Variants in RTN4RL1 observed in about 807,000 individuals in gnomAD.
RTN4RL1 encodes reticulon 4 receptor like 1.
In RTN4RL1, 7 loss-of-function variants were observed where a neutral mutation model predicts 25.6. That is an observed-to-expected ratio of 0.27 (90% CI 0.16 to 0.51). RTN4RL1 has a LOEUF of 0.51. RTN4RL1 is among the 20% of genes least tolerant of loss of function. RTN4RL1 has a pLI of 0.97. For missense variants in RTN4RL1, 500 were observed against 615.6 expected, an observed-to-expected ratio of 0.81 and a Z score of 1.99; for synonymous variants, 297 against 288.2, an observed-to-expected ratio of 1.03 and a Z score of -0.31.
At chr17:1,955,082 G>A (rs559682881) in intron 1 of RTN4RL1, among the ~76,000 whole-genome samples, 3 of 152,116 alleles carry the variant, frequency 2.0e-5, no homozygotes, top group South Asian at 4.2e-4. Context: ...CAGCCTGAGC[G>A]CCGCCCTTTC....
At chr17:1,968,631 C>G (rs1309051896) in intron 1 of RTN4RL1, among the ~76,000 whole-genome samples, 1 of 152,170 alleles carries the variant, frequency 6.6e-6, no homozygotes, top group African/African-American at 2.4e-5. Context: ...CATGTTCCCT[C>G]CCATCCCCGG....
intron 1 of RTN4RL1, among the ~76,000 whole-genome samples, chr17:1,973,506 A>G (rs2066829409): frequency 6.8e-6 from 1 of 147,724 alleles, no homozygotes; most frequent in Non-Finnish European, 1.5e-5. Flanking sequence ...CAACAGAACA[A>G]GACTCCATGT....
intron 1 of RTN4RL1, among the ~76,000 whole-genome samples, chr17:1,947,176 CTG>C (rs34312213): frequency 0.041 from 6,203 of 150,938 alleles, 405 homozygotes; most frequent in African/African-American, 0.14. Context: ...GTGTGCGTCT[CTG>C]TGTGACTGTG....
intron 1 of RTN4RL1, among the ~76,000 whole-genome samples, chr17:1,952,331 G>GTTTTTTTTTTTTTTTTT (rs1213295319): frequency 1.0e-5 from 1 of 99,774 alleles, no homozygotes. Context: ...AAGGGAGGTT[G>GTTTTTTTTTTTTTTTTT]GTTTTTTTTT....
chr17:1,995,797 C>T (rs1196772612), intron 1 of RTN4RL1: 3 of 152,264 alleles, frequency 2.0e-5, no homozygotes, highest in South Asian at 2.1e-4. Context: ...GCCTATGTGC[C>T]GAGCAACCCA....
chr17:2,010,729 AAAAC>A (rs141843187), intron 1 of RTN4RL1, among the ~76,000 whole-genome samples: 46,521 of 150,608 alleles, frequency 0.31, 7,532 homozygotes, highest in East Asian at 0.54. Context: ...GGCTAATTAA[AAAAC>A]AAACAAACAA....
At chr17:1,949,215 C>T (rs1915626926) in intron 1 of RTN4RL1, among the ~76,000 whole-genome samples, 1 of 152,178 alleles carries the variant, frequency 6.6e-6, no homozygotes, top group Non-Finnish European at 1.5e-5. Flanking sequence ...CCCGCCTCGG[C>T]CTCCCTAAGT....
intron 1 of RTN4RL1, among the ~76,000 whole-genome samples, chr17:1,946,831 CTG>C (rs1379714977): frequency 7.1e-6 from 1 of 140,440 alleles, no homozygotes; most frequent in Non-Finnish European, 1.5e-5. Flanking sequence ...TGCACGGGGT[CTG>C]TGTGCATCTA....
At chr17:1,993,831 T>C (rs1371669630) in intron 1 of RTN4RL1, among the ~76,000 whole-genome samples, 2 of 151,632 alleles carry the variant, frequency 1.3e-5, no homozygotes, top group African/African-American at 2.4e-5. Flanking sequence ...ATTCTGCAAA[T>C]TGCTCAGCCC....
chr17:1,959,695 G>A (rs1915858795), intron 1 of RTN4RL1, among the ~76,000 whole-genome samples: 1 of 152,166 alleles, frequency 6.6e-6, no homozygotes, highest in South Asian at 2.1e-4. Context: ...CTCCTGAGTA[G>A]CTGGGATTAC....
chr17:2,022,565 A>G (rs34476531), intron 1 of RTN4RL1, among the ~76,000 whole-genome samples: 11,058 of 152,288 alleles, frequency 0.073, 582 homozygotes, highest in East Asian at 0.14. Flanking sequence ...GCGCCTACCT[A>G]GAATCCATAC....
intron 1 of RTN4RL1, among the ~76,000 whole-genome samples, chr17:1,967,938 G>C (rs886905319): frequency 6.6e-6 from 1 of 152,098 alleles, no homozygotes; most frequent in African/African-American, 2.4e-5. Flanking sequence ...ATCGGGCCCG[G>C]CCTCCAGTCT....
At chr17:1,982,258 G>A (rs2066870270) in intron 1 of RTN4RL1, among the ~76,000 whole-genome samples, 1 of 151,982 alleles carries the variant, frequency 6.6e-6, no homozygotes, top group African/African-American at 2.4e-5. Context: ...CTGAGATCAC[G>A]CCACTCCACT....
chr17:1,954,721 G>A (rs1381710390), intron 1 of RTN4RL1, among the ~76,000 whole-genome samples: 9 of 152,116 alleles, frequency 5.9e-5, no homozygotes, highest in Non-Finnish European at 7.4e-5. Flanking sequence ...CCCCAGAGGC[G>A]CAGCACTGCT....
chr17:1,990,990 G>A (rs2066906074), intron 1 of RTN4RL1, among the ~76,000 whole-genome samples: 2 of 152,136 alleles, frequency 1.3e-5, no homozygotes, highest in Non-Finnish European at 2.9e-5. Context: ...TCCAGGGAAC[G>A]AGTCCCTCTC....
chr17:1,979,245 C>A (rs1282778557), intron 1 of RTN4RL1, among the ~76,000 whole-genome samples: 1 of 152,176 alleles, frequency 6.6e-6, no homozygotes, highest in Non-Finnish European at 1.5e-5. Context: ...TGCACTCCAG[C>A]CTGGGCGACA....
rs762129974 is a variant in RTN4RL1 at position 1,936,714 on chromosome 17, C to T, written c.1108G>A (p.Ala370Thr). ...RNRNQISKAG[A>T]GKQAPELPDY... ...GGCAGCTCGGGGGCCTGTTTCCCGG[C>T]GCCCGCCTTAGAGATCTGATTGCGG... The change falls in exon 2 of 2, where the codon GCC (alanine) becomes ACC (threonine). Residue 370 changes from alanine (A) to threonine (T), a missense_variant. Coordinates refer to ENST00000331238, the MANE Select transcript of RTN4RL1 (RefSeq NM_178568.4). The T allele has an allele frequency of 2.8e-5, 44 of 1,583,546 alleles. No homozygotes were observed. The highest frequency in any genetic ancestry group is 1.9e-4 in the Admixed American group (10 of 53,898).
At chr17:2,024,069 G>A (rs1294868805) in intron 1 of RTN4RL1, among the ~76,000 whole-genome samples, 4 of 152,110 alleles carry the variant, frequency 2.6e-5, no homozygotes, top group Non-Finnish European at 5.9e-5. Context: ...ACGGCGCCCC[G>A]CGTGGCAACC....
In RTN4RL1 at chr17:1,943,015, G is replaced by A. The variant is rs904038685; in HGVS notation, c.14-5207C>T. 2.6e-5 allele frequency among the ~76,000 whole-genome samples: 4 copies of A among 152,174 alleles called. No individual in the cohort carries two copies. The East Asian group carries it at 5.8e-4, about 22-fold the overall frequency. The stretch of plus-strand genomic sequence containing the variant: ...GGATGGCCAGAGATGTCCCCAGTGG[G>A]ACCAGCCCTCACAGGGCCCTTGCCC... On this transcript the variant is annotated intron_variant, in intron 1 of 1. Transcript: ENST00000331238.
Sources: gnomAD v4.1 joint callset for allele counts (sites outside exome capture counted in the v4.1 genomes callset) on GRCh38, gnomAD v4.1.1 for gene constraint, MANE v1.5 for transcripts, NCBI Gene and HGNC (gene_info 2026-07-23, HGNC 2026-07-21) for gene names.